The following BMPR1A variants were observed in gnomAD, a reference collection of about 807,000 sequenced individuals.
BMPR1A encodes the protein bone morphogenetic protein receptor type 1A.
In BMPR1A, 7 loss-of-function variants were observed where a neutral mutation model predicts 66.0. The ratio of observed to expected loss-of-function variants is 0.11; its 90% CI spans 0.06 to 0.20. The LOEUF is 0.20. BMPR1A is among the 10% of genes least tolerant of loss of function. The pLI, the probability that BMPR1A is intolerant of heterozygous loss-of-function variation, is 1.00. For synonymous variants in BMPR1A, 200 were observed against 229.7 expected (o/e 0.87, Z 1.17); for missense variants, 408 against 669.1 (o/e 0.61, Z 4.31).
chr10:86,884,394 A>ATTTTTTTTTT lies in BMPR1A; in HGVS notation c.68-5640_68-5631dup, dbSNP rs759424209. On this transcript the variant is annotated intron_variant, in intron 3 of 12. Coordinates refer to ENST00000372037, the MANE Select transcript of BMPR1A (RefSeq NM_004329.3). Reference sequence around the variant, plus strand: ...AGCCACCATGCCTGGCAAACACATGATTTTTTTTTTTTTTTTTTTTTTTTT... The same window carrying ATTTTTTTTTT: ...AGCCACCATGCCTGGCAAACACATGATTTTTTTTTTTTTTTTTTTTTTTTTTTTTTTTTTT... Among the ~76,000 whole-genome samples, 49 of 49,348 alleles carry ATTTTTTTTTT rather than the reference A, an allele frequency of 9.9e-4. 11 individuals carry two copies. The highest frequency in any genetic ancestry group is 1.7e-3 in the Non-Finnish European group (37 of 22,330). 32.4% of individuals were successfully genotyped at this position (49,348 alleles called of 152,430 possible).
downstream of BMPR1A, chr10:86,928,189 A>G (rs1319213054): frequency 6.5e-6 from 1 of 153,926 alleles, no homozygotes; most frequent in African/African-American, 2.4e-5. Context: ...TTTTCCTTTA[A>G]AAAACAAGAC....
chr10:86,773,094 A>G (rs1171226441), intron 1 of BMPR1A, among the ~76,000 whole-genome samples: 2 of 150,884 alleles, frequency 1.3e-5, no homozygotes, highest in East Asian at 3.9e-4. Flanking sequence ...AGAAATAGAA[A>G]GTTCTGAAAA....
At chr10:86,930,287 CT>C (rs556079831), downstream of BMPR1A, 685 of 146,320 alleles carry the variant, frequency 4.7e-3, 1 homozygote, top group Non-Finnish European at 6.8e-3. Flanking sequence ...ATCTTTTTTT[CT>C]TTTTTTTTTT....
intron 1 of BMPR1A, among the ~76,000 whole-genome samples, chr10:86,797,656 C>T (rs919267165): frequency 1.3e-5 from 2 of 152,116 alleles, no homozygotes; most frequent in Non-Finnish European, 2.9e-5. Context: ...CGTGAGCCAC[C>T]GTGCCCGGCC....
chr10:86,879,293 A>G (rs144189620), intron 3 of BMPR1A, among the ~76,000 whole-genome samples: 1 of 152,306 alleles, frequency 6.6e-6, no homozygotes, highest in Non-Finnish European at 1.5e-5. Context: ...TAATTGATAA[A>G]TCTTTCCCCA....
intron 7 of BMPR1A, among the ~76,000 whole-genome samples, chr10:86,908,201 CTCT>C (rs1021736777): frequency 2.6e-5 from 4 of 152,116 alleles, no homozygotes; most frequent in African/African-American, 9.7e-5. Flanking sequence ...AAGGCCCTGC[CTCT>C]TCTTCCCCAC....
intron 1 of BMPR1A, among the ~76,000 whole-genome samples, chr10:86,806,358 TC>T (rs140260524): frequency 0.023 from 3,453 of 152,228 alleles, 137 homozygotes; most frequent in African/African-American, 0.08. Flanking sequence ...AATTCACTGC[TC>T]CCCTGCAGAT....
At chr10:86,826,802 T>C (rs1199305231) in intron 1 of BMPR1A, among the ~76,000 whole-genome samples, 2 of 151,150 alleles carry the variant, frequency 1.3e-5, no homozygotes, top group Admixed American at 1.3e-4. Context: ...TAATTTACTC[T>C]TAATTTTCTT....
chr10:86,897,514 G>C (rs527877388), intron 5 of BMPR1A, among the ~76,000 whole-genome samples: 2 of 152,302 alleles, frequency 1.3e-5, no homozygotes, highest in Admixed American at 6.5e-5. Context: ...TGTCAAGCAA[G>C]AGGAAGGGAA....
In BMPR1A at chr10:86,925,719, A is replaced by ATTTTTTTTTTT. The variant is rs1163006358; in HGVS notation, c.*2001_*2002insTTTTTTTTTTT. 3 of 123,444 alleles carry ATTTTTTTTTTT rather than the reference A, an allele frequency of 2.4e-5. No homozygotes were observed. The highest frequency in any genetic ancestry group is 1.0e-4 in the African/African-American group (2 of 19,226). The allele number at this position is 123,444 out of a possible 1,614,324, so 7.6% of individuals were successfully genotyped here. On this transcript the variant is annotated 3_prime_UTR_variant, in exon 13 of 13. Coordinates refer to ENST00000372037, the MANE Select transcript of BMPR1A (RefSeq NM_004329.3). ...ACCATAATCTTTAAAATCATTTGTC[A>ATTTTTTTTTTT]TCTTTTTTTTTTTTTTTTTGAGACG...
At chr10:86,886,021 C>T (rs1463423582) in intron 3 of BMPR1A, among the ~76,000 whole-genome samples, 1 of 151,974 alleles carries the variant, frequency 6.6e-6, no homozygotes, top group Non-Finnish European at 1.5e-5. Context: ...TCATTTTTTC[C>T]TGAGATGTTA....
At chr10:86,779,837 A>G (rs768570710) in intron 1 of BMPR1A, among the ~76,000 whole-genome samples, 1 of 152,144 alleles carries the variant, frequency 6.6e-6, no homozygotes, top group Non-Finnish European at 1.5e-5. Flanking sequence ...CCTGGCCTTC[A>G]GCGATCTTTC....
chr10:86,863,842 A>G (rs1430578321), intron 2 of BMPR1A, among the ~76,000 whole-genome samples: 2 of 152,114 alleles, frequency 1.3e-5, no homozygotes, highest in South Asian at 2.1e-4. Context: ...ACCCTGAATT[A>G]AAAAAAATTT....
intron 1 of BMPR1A, among the ~76,000 whole-genome samples, chr10:86,829,608 AGTAATCT>A (rs1218295671): frequency 6.6e-6 from 1 of 152,244 alleles, no homozygotes; most frequent in East Asian, 1.9e-4. Flanking sequence ...CATGGCAGCC[AGTAATCT>A]GCTTTTCATC....
At chr10:86,853,142 T>C (rs1252634431) in intron 2 of BMPR1A, among the ~76,000 whole-genome samples, 1 of 152,102 alleles carries the variant, frequency 6.6e-6, no homozygotes, top group Admixed American at 6.5e-5. Context: ...AAACGTCAAT[T>C]TTCTAGAAAA....
At chr10:86,886,650 A>T (rs1843070706) in intron 3 of BMPR1A, among the ~76,000 whole-genome samples, 1 of 152,122 alleles carries the variant, frequency 6.6e-6, no homozygotes, top group African/African-American at 2.4e-5. Context: ...TAGGGAGAGC[A>T]CAGAGAGGCT....
intron 2 of BMPR1A, among the ~76,000 whole-genome samples, chr10:86,868,081 T>C (rs1842807361): frequency 6.6e-6 from 1 of 152,236 alleles, no homozygotes; most frequent in Non-Finnish European, 1.5e-5. Context: ...TCCCCATCCC[T>C]GTTTTAGGTC....
intron 2 of BMPR1A, among the ~76,000 whole-genome samples, chr10:86,861,143 G>A (rs180956962): frequency 1.3e-5 from 2 of 152,082 alleles, no homozygotes; most frequent in African/African-American, 2.4e-5. Flanking sequence ...GCCTGGCCTA[G>A]AACTTCTTAC....
rs1564725683 is a variant in BMPR1A, at chr10:86,923,476, A to C, written c.1443A>C (p.Pro481=). 1 of 1,614,202 alleles carries C rather than the reference A, an allele frequency of 6.2e-7. No homozygotes were observed. Among genetic ancestry groups the C allele is most frequent in the Middle Eastern group, 1.6e-4 (1 of 6,062 alleles). ...REVVCVKRLR[P]IVSNRWNSDE... ...TTGTGTGTGTCAAACGTTTGCGGCC[A>C]ATTGTGTCTAATCGGTGGAACAGTG... Residue 481 remains proline, a synonymous_variant, in exon 12 of 13, where the codon CCA becomes CCC. Transcript: ENST00000372037.
Sources: allele counts gnomAD v4.1 joint callset (sites outside exome capture counted in the v4.1 genomes callset), GRCh38; gene constraint gnomAD v4.1.1; transcripts MANE v1.5; gene names NCBI Gene and HGNC (gene_info 2026-07-23, HGNC 2026-07-21).